The following RMDN1 variants were observed in gnomAD, a reference collection of about 807,000 sequenced individuals.
RMDN1 encodes the protein regulator of microtubule dynamics 1.
RMDN1 carries 48 observed loss-of-function variants against 48.9 expected under a neutral mutation model. The ratio of observed to expected loss-of-function variants is 0.98; its 90% confidence interval spans 0.78 to 1.25. RMDN1 has a LOEUF of 1.25. Ranked by LOEUF, RMDN1 falls within the 50% of genes most tolerant of loss-of-function variation. RMDN1 has a pLI of 0.00. For synonymous variants in RMDN1, 148 were observed against 132.6 expected (o/e 1.12, Z -0.80); for missense variants, 418 against 373.4 (o/e 1.12, Z -0.98).
chr8:86,478,706 A>G, intron 7 of RMDN1: 1 of 521,420 alleles, frequency 1.9e-6, no homozygotes, highest in Admixed American at 3.7e-5. Flanking sequence ...AGATGACAGT[A>G]TTCCAGAATT....
Position 86,486,535 on chromosome 8 carries a change from C to G in RMDN1, c.444G>C (p.Glu148Asp). Residue 148 changes from glutamate to aspartate, a missense_variant, in exon 4 of 10, where the codon GAG (glutamate) becomes GAC (aspartate). By Grantham distance (45) the Glu-to-Asp change is conservative. Coordinates refer to ENST00000406452, the MANE Select transcript of RMDN1 (RefSeq NM_016033.3). ...EKKLLVYEAL[E>D]YAKRALEKNE... ...TTTTTTCTAGTGCTCTTTTTGCATA[C>G]TCTAGGGCTTCATACACCAATAGCT... 4 of 1,611,792 alleles carry G rather than the reference C, an allele frequency of 2.5e-6. No individual in the cohort carries two copies. The highest frequency in any genetic ancestry group is 3.4e-6 in the Non-Finnish European group (4 of 1,178,494).
chr8:86,481,047 C>T (rs1385929425), intron 5 of RMDN1, among the ~76,000 whole-genome samples: 1 of 152,116 alleles, frequency 6.6e-6, no homozygotes, highest in Non-Finnish European at 1.5e-5. Flanking sequence ...AGAAATCTTA[C>T]AGATTAATGT....
intron 2 of RMDN1, 66 bp from the exon 3 acceptor site, chr8:86,488,705 T>C (rs930090914): frequency 3.7e-6 from 4 of 1,076,210 alleles, no homozygotes; most frequent in African/African-American, 1.6e-5. Flanking sequence ...TGACAATAAT[T>C]CAAAGAAACT....
upstream of RMDN1, chr8:86,514,352 T>TGGGCTGATCCTCGCGCAG (rs1311744794): frequency 5.5e-6 from 4 of 733,208 alleles, no homozygotes; most frequent in East Asian, 5.3e-4. Context: ...TCCCTGCGGA[T>TGGGCTGATCCTCGCGCAG]GGGCTGATCC....
intron 2 of RMDN1, among the ~76,000 whole-genome samples, chr8:86,501,740 A>T (rs1818267661): frequency 6.6e-6 from 1 of 152,146 alleles, no homozygotes; most frequent in Non-Finnish European, 1.5e-5. Context: ...ACTTCTTTTC[A>T]AAAATTATTA....
At chr8:86,503,442 G>A (rs531795803) in intron 2 of RMDN1, 20 of 194,800 alleles carry the variant, frequency 1.0e-4, no homozygotes, top group Non-Finnish European at 1.8e-4. Context: ...TGAGAGTTTA[G>A]AGCATTCCTG....
chr8:86,470,140 A>T, downstream of RMDN1: 1 of 1,278,042 alleles, frequency 7.8e-7, no homozygotes, highest in Admixed American at 2.4e-5. Flanking sequence ...CTCAAAAGGA[A>T]GGAAGGAAAC....
chr8:86,484,611 G>A (rs759694198), intron 5 of RMDN1: 12 of 221,948 alleles, frequency 5.4e-5, no homozygotes, highest in Admixed American at 1.7e-4. Context: ...CCAGCTACTC[G>A]GGAGGCTGAG....
chr8:86,471,802 C>G (rs1445560575), downstream of RMDN1, among the ~76,000 whole-genome samples: 1 of 152,168 alleles, frequency 6.6e-6, no homozygotes, highest in Non-Finnish European at 1.5e-5. Flanking sequence ...CAGCGGTTCT[C>G]AAAGTGTGGT....
At chr8:86,503,366 C>CAAGACAAAAAA (rs1818619457) in intron 2 of RMDN1, among the ~76,000 whole-genome samples, 1 of 70,492 alleles carries the variant, frequency 1.4e-5, no homozygotes, top group Admixed American at 1.7e-4. Flanking sequence ...CAAAACAAAA[C>CAAGACAAAAAA]AAAACAAAAA....
intron 2 of RMDN1, among the ~76,000 whole-genome samples, chr8:86,502,245 CT>C (rs555148989): frequency 4.0e-5 from 6 of 150,956 alleles, no homozygotes; most frequent in African/African-American, 1.2e-4. Flanking sequence ...ACTGGCAAGT[CT>C]TTTTTTTTGA....
intron 2 of RMDN1, among the ~76,000 whole-genome samples, chr8:86,506,444 G>A (rs917187103): frequency 1.3e-5 from 2 of 152,126 alleles, no homozygotes; most frequent in African/African-American, 2.4e-5. Flanking sequence ...CCCTTAGGGG[G>A]TCTCAATCTT....
intron 2 of RMDN1, among the ~76,000 whole-genome samples, chr8:86,493,975 A>C (rs1816914599): frequency 6.6e-6 from 1 of 152,098 alleles, no homozygotes; most frequent in African/African-American, 2.4e-5. Flanking sequence ...CTATGATCTC[A>C]CTTATATGTG....
chr8:86,504,112 A>C (rs1818867094), intron 2 of RMDN1: 1 of 1,110,410 alleles, frequency 9.0e-7, no homozygotes, highest in South Asian at 1.2e-5. Context: ...ATTCAAATTC[A>C]TCCTTGGGTC....
Position 86,477,328 on chromosome 8 carries a change from T to C in RMDN1, c.730-4A>G. ...CCCTGTGAAAGTAGCCTAAGGCCTG[T>C]CAAAAACACAAAGAGCCCAAACATA... On this transcript the variant is annotated splice_polypyrimidine_tract_variant and splice_region_variant and intron_variant, in intron 7 of 9. Transcript: ENST00000406452. The C allele has an allele frequency of 6.3e-7, 1 of 1,585,210 alleles. No individual in the cohort carries two copies. The highest frequency in any genetic ancestry group is 8.6e-7 in the Non-Finnish European group (1 of 1,168,598).
intron 4 of RMDN1, among the ~76,000 whole-genome samples, chr8:86,485,952 C>A (rs1301560291): frequency 6.6e-6 from 1 of 152,138 alleles, no homozygotes; most frequent in Non-Finnish European, 1.5e-5. Flanking sequence ...TGAAGTCCAA[C>A]AATCCAGAAG....
chr8:86,477,173 T>A, intron 8 of RMDN1, 121 bp downstream of exon 8: 1 of 610,700 alleles, frequency 1.6e-6, no homozygotes, highest in South Asian at 3.9e-5. Flanking sequence ...TGTTTTACAG[T>A]ATCTAGCACA....
intron 7 of RMDN1, among the ~76,000 whole-genome samples, chr8:86,477,863 A>AT (rs1813648855): frequency 6.6e-6 from 1 of 151,144 alleles, no homozygotes; most frequent in Non-Finnish European, 1.5e-5. Flanking sequence ...AGCTGACTAT[A>AT]TTTTTTGTCC....
Position 86,472,393 on chromosome 8 carries a change from A to C in RMDN1, c.*1915T>G. ...TTATTCGGTCTCCCTAAAGGAAAAA[A>C]CCCATTTTAAAAAGCCATCCAGCAG... On this transcript the variant is annotated 3_prime_UTR_variant, in exon 10 of 10. Transcript: ENST00000406452. The C allele has an allele frequency of 1.4e-6, 1 of 702,172 alleles. No individual in the cohort carries two copies. Among genetic ancestry groups the C allele is most frequent in the Non-Finnish European group, 2.6e-6 (1 of 384,846 alleles). The allele number at this position is 702,172 out of a possible 1,614,324, so 43.5% of individuals were successfully genotyped here.
Sources: gnomAD v4.1 joint callset for allele counts (sites outside exome capture counted in the v4.1 genomes callset) on GRCh38, gnomAD v4.1.1 for gene constraint, MANE v1.5 for transcripts, NCBI Gene and HGNC (gene_info 2026-07-23, HGNC 2026-07-21) for gene names.